Variants in PRKCA observed in about 807,000 individuals in gnomAD.
The protein encoded by PRKCA is protein kinase C alpha type.
In PRKCA, 27 loss-of-function variants were observed where a neutral mutation model predicts 87.0. The observed-to-expected ratio is 0.31, with a 90% confidence interval of 0.23 to 0.43. The LOEUF is 0.43. Ranked by LOEUF, PRKCA falls within the 20% of genes least tolerant of loss-of-function variation. The pLI is 1.00. For missense variants in PRKCA, 518 were observed against 852.3 expected (o/e 0.61, Z 4.88); for synonymous variants, 329 against 311.1 (o/e 1.06, Z -0.61).
chr17:66,649,482 C>G (rs1213088705), intron 5 of PRKCA, among the ~76,000 whole-genome samples: 1 of 152,180 alleles, frequency 6.6e-6, no homozygotes, highest in Non-Finnish European at 1.5e-5. Context: ...TATTATTATC[C>G]TCCTTCTTGA....
chr17:66,803,742 TC>T lies in PRKCA; in HGVS notation c.1855-129del. ...TTCAATCCAATAGGCCTGCAAGTCC[TC>T]CGAGATTCCTCCTCCTAACCAGCCC... On this transcript the variant is annotated intron_variant, in intron 16 of 16. Transcript: ENST00000413366. This position sits in a 1 kb window ranked among gnomAD's most constrained non-coding sequence, Gnocchi z 4.4. The T allele has an allele frequency of 1.6e-6, 2 of 1,277,128 alleles. No homozygotes were observed. Among genetic ancestry groups the T allele is most frequent in the Non-Finnish European group, 2.1e-6 (2 of 940,294 alleles). The allele number at this position is 1,277,128 out of a possible 1,614,324, so 79.1% of individuals were successfully genotyped here.
At chr17:66,604,345 GT>G (rs1970149396) in intron 3 of PRKCA, among the ~76,000 whole-genome samples, 1 of 152,168 alleles carries the variant, frequency 6.6e-6, no homozygotes, top group South Asian at 2.1e-4. Context: ...TATTGCGGGA[GT>G]CAGTTTCTAA....
In PRKCA at chr17:66,698,686, T is replaced by C. The variant is rs557775655; in HGVS notation, c.918+9639T>C. On this transcript the variant is annotated intron_variant, in intron 8 of 16. Coordinates refer to ENST00000413366, the MANE Select transcript of PRKCA (RefSeq NM_002737.3). ...GGGGAAGAAAGCTTATATAAAGAAATGATGGCCCAGGTGTGGTGGTTCATG... is the reference window on the plus strand; with the variant it reads ...GGGGAAGAAAGCTTATATAAAGAAACGATGGCCCAGGTGTGGTGGTTCATG... Among the ~76,000 whole-genome samples the C allele has an allele frequency of 7.9e-5, 12 of 151,894 alleles. 1 individual carries two copies. The highest frequency in any genetic ancestry group is 1.3e-4 in the Non-Finnish European group (9 of 67,938).
intron 2 of PRKCA, among the ~76,000 whole-genome samples, chr17:66,356,114 G>A (rs984113990): frequency 1.3e-5 from 2 of 151,972 alleles, no homozygotes; most frequent in African/African-American, 2.4e-5. Flanking sequence ...GGCCAAGCTG[G>A]TCTCAAACTC....
chr17:66,740,764 G>A (rs1031722950), intron 11 of PRKCA, among the ~76,000 whole-genome samples: 3 of 152,174 alleles, frequency 2.0e-5, no homozygotes, highest in Admixed American at 2.0e-4. Flanking sequence ...TAACATAAAG[G>A]TGTCTGGTCC....
At chr17:66,580,705 A>G (rs1223604494) in intron 3 of PRKCA, among the ~76,000 whole-genome samples, 1 of 152,188 alleles carries the variant, frequency 6.6e-6, no homozygotes, top group Non-Finnish European at 1.5e-5. Context: ...CCAACTAAAC[A>G]CACTTATGAT....
chr17:66,775,473 A>G, intron 14 of PRKCA: 3 of 985,010 alleles, frequency 3.0e-6, no homozygotes, highest in South Asian at 9.4e-5. Context: ...TCAGCAGGGG[A>G]AGCAGGCTTG....
chr17:66,587,458 T>C (rs1171560185), intron 3 of PRKCA, among the ~76,000 whole-genome samples: 1 of 152,146 alleles, frequency 6.6e-6, no homozygotes, highest in Admixed American at 6.5e-5. Flanking sequence ...CATATTGATT[T>C]ATGTAGATCT....
intron 2 of PRKCA, among the ~76,000 whole-genome samples, chr17:66,436,620 G>A (rs1162096504): frequency 6.6e-6 from 1 of 152,156 alleles, no homozygotes; most frequent in Non-Finnish European, 1.5e-5. Flanking sequence ...GCAGAGAGGT[G>A]GACGATGAAA....
chr17:66,680,090 C>T (rs1972449250), intron 5 of PRKCA, among the ~76,000 whole-genome samples: 1 of 152,184 alleles, frequency 6.6e-6, no homozygotes, highest in South Asian at 2.1e-4. Context: ...CACTCCGTGG[C>T]CTGGTGTTGA....
chr17:66,337,268 T>C (rs763995711), intron 2 of PRKCA, among the ~76,000 whole-genome samples: 7 of 152,128 alleles, frequency 4.6e-5, no homozygotes, highest in Non-Finnish European at 2.9e-5. Context: ...GGAATAGATA[T>C]CGTTGGTGAT....
chr17:66,444,887 T>A (rs1913953892), intron 2 of PRKCA, among the ~76,000 whole-genome samples: 1 of 152,022 alleles, frequency 6.6e-6, no homozygotes, highest in Non-Finnish European at 1.5e-5. Context: ...TTTTAGAAAA[T>A]CCCACTCAGT....
rs558633284 is a variant in PRKCA at position 66,327,909 on chromosome 17, C to G, written c.205+21782C>G. Among the ~76,000 whole-genome samples, 3 of 152,220 alleles carry G rather than the reference C, an allele frequency of 2.0e-5. No individual in the cohort carries two copies. In the East Asian group the frequency reaches 5.8e-4, roughly 29 times the overall value. ...AAGCTGAGACTACCTCTGCTGGAAT[C>G]CCTCTAGTGATGGACCCAGCCACTA... On this transcript the variant is annotated intron_variant, in intron 2 of 16. Coordinates refer to ENST00000413366, the MANE Select transcript of PRKCA (RefSeq NM_002737.3).
intron 2 of PRKCA, among the ~76,000 whole-genome samples, chr17:66,345,800 G>A (rs1907324341): frequency 6.6e-6 from 1 of 152,150 alleles, no homozygotes; most frequent in Non-Finnish European, 1.5e-5. Context: ...TTGGAAATGA[G>A]CAAAAATTTT....
intron 16 of PRKCA, chr17:66,796,898 C>T (rs1975683076): frequency 4.1e-6 from 4 of 985,372 alleles, no homozygotes; most frequent in Non-Finnish European, 4.8e-6. Context: ...AGGGGTAGCT[C>T]CCACCTCGTT....
In PRKCA at chr17:66,809,053, A is replaced by G. The variant is rs926020511; in HGVS notation, c.*5016A>G. The G allele has an allele frequency of 2.0e-5, 3 of 152,226 alleles. No individual in the cohort carries two copies. Among genetic ancestry groups the G allele is most frequent in the African/African-American group, 7.2e-5 (3 of 41,452 alleles). 9.4% of individuals were successfully genotyped at this position (152,226 alleles called of 1,614,324 possible). A position where few individuals can be genotyped will look rare whatever the true frequency, so the allele number is the denominator to read the frequency against. ...ATTTTCCTTAAGCTGCTTGGGCTAC[A>G]TGTGAAATACACTGGACGGTCAACA... On this transcript the variant is annotated 3_prime_UTR_variant, in exon 17 of 17. Coordinates refer to ENST00000413366, the MANE Select transcript of PRKCA (RefSeq NM_002737.3).
At chr17:66,362,063 T>C (rs1454275564) in intron 2 of PRKCA, among the ~76,000 whole-genome samples, 1 of 152,068 alleles carries the variant, frequency 6.6e-6, no homozygotes. Context: ...GATACGGAGT[T>C]TCGCTCTTGT....
In PRKCA at chr17:66,302,900, G is replaced by A; in HGVS notation, c.49G>A (p.Ala17Thr). Residue 17 changes from alanine (A) to threonine (T), a missense_variant, in exon 1 of 17, where the codon GCC (alanine) becomes ACC (threonine). Transcript: ENST00000413366. ...GNDSTASQDV[A>T]NRFARKGALR... ...CGACTCCACGGCGTCTCAGGACGTG[G>A]CCAACCGCTTCGCCCGCAAAGGGGC... 2 of 1,612,230 alleles carry A rather than the reference G, an allele frequency of 1.2e-6. No individual in the cohort carries two copies. The highest frequency in any genetic ancestry group is 2.2e-5 in the East Asian group (1 of 44,716).
At chr17:66,436,844 A>T (rs1196759851) in intron 2 of PRKCA, among the ~76,000 whole-genome samples, 1 of 152,142 alleles carries the variant, frequency 6.6e-6, no homozygotes, top group Non-Finnish European at 1.5e-5. Flanking sequence ...GAGGAAGGAG[A>T]ATTTTTTTTA....
Sources: allele counts gnomAD v4.1 joint callset (sites outside exome capture counted in the v4.1 genomes callset), GRCh38; gene constraint gnomAD v4.1.1; non-coding constraint Gnocchi (gnomAD v3.1); transcripts MANE v1.5; gene names NCBI Gene and HGNC (gene_info 2026-07-23, HGNC 2026-07-21).